GABRG3: variants seen among roughly 807,000 people sequenced by gnomAD.
GABRG3 encodes the protein gamma-aminobutyric acid type A receptor subunit gamma3, also known as gamma-aminobutyric acid receptor subunit gamma-3.
GABRG3 carries 25 observed loss-of-function variants against 48.8 expected under a neutral mutation model. The ratio of observed to expected loss-of-function variants is 0.51; its 90% CI spans 0.37 to 0.72. The LOEUF is 0.72. Ranked by LOEUF, GABRG3 falls within the 30% of genes least tolerant of loss-of-function variation. The probability of loss-of-function intolerance (pLI) is 0.00; values close to 1 mark genes in which losing one functional copy is unlikely to be tolerated. For missense variants in GABRG3, 394 were observed against 577.9 expected (o/e 0.68, Z 3.26); for synonymous variants, 227 against 217.6 (o/e 1.04, Z -0.38).
intron 3 of GABRG3, among the ~76,000 whole-genome samples, chr15:27,278,224 G>A (rs952202232): frequency 6.6e-6 from 1 of 151,998 alleles, no homozygotes; most frequent in African/African-American, 2.4e-5. Flanking sequence ...GCTAATTTTT[G>A]TATTTTTAGT....
At chr15:27,141,368 C>T (rs946885200) in intron 3 of GABRG3, among the ~76,000 whole-genome samples, 6 of 152,142 alleles carry the variant, frequency 3.9e-5, no homozygotes, top group African/African-American at 1.4e-4. Flanking sequence ...TCTAGGTATT[C>T]ATATTTCAAG....
At chr15:26,977,750 G>A (rs1364239317) in intron 2 of GABRG3, among the ~76,000 whole-genome samples, 1 of 152,098 alleles carries the variant, frequency 6.6e-6, no homozygotes, top group South Asian at 2.1e-4. Context: ...ATTGTTTCCT[G>A]TTTTTGTCTA....
intron 5 of GABRG3, among the ~76,000 whole-genome samples, chr15:27,442,216 C>T (rs187938849): frequency 8.5e-5 from 13 of 152,254 alleles, no homozygotes. Flanking sequence ...TTGGTCTCAG[C>T]TCCTACTCCC....
chr15:27,093,281 T>G (rs1897221453), intron 3 of GABRG3, among the ~76,000 whole-genome samples: 1 of 152,156 alleles, frequency 6.6e-6, no homozygotes, highest in South Asian at 2.1e-4. Flanking sequence ...GCTCTGACAC[T>G]TACTGCATGA....
chr15:27,531,857 T>C (rs1891431209), intron 9 of GABRG3, among the ~76,000 whole-genome samples: 1 of 152,172 alleles, frequency 6.6e-6, no homozygotes, highest in Admixed American at 6.5e-5. Flanking sequence ...TCTGCCCCAC[T>C]TGGACTTTTC....
At chr15:27,479,685 T>G (rs1263227464) in intron 5 of GABRG3, among the ~76,000 whole-genome samples, 4 of 152,240 alleles carry the variant, frequency 2.6e-5, no homozygotes, top group Non-Finnish European at 5.9e-5. Flanking sequence ...TCCAGAGCCA[T>G]GCCATCAGTG....
intron 2 of GABRG3, among the ~76,000 whole-genome samples, chr15:27,018,315 G>A (rs1218210991): frequency 2.0e-5 from 3 of 152,158 alleles, no homozygotes; most frequent in African/African-American, 4.8e-5. Flanking sequence ...CTGAGCTTTC[G>A]AGTACCTACC....
intron 5 of GABRG3, among the ~76,000 whole-genome samples, chr15:27,469,362 A>T (rs1889714801): frequency 6.6e-6 from 1 of 151,704 alleles, no homozygotes; most frequent in Non-Finnish European, 1.5e-5. Flanking sequence ...TTTTTTGGAG[A>T]TGGAGTCTTG....
intron 5 of GABRG3, among the ~76,000 whole-genome samples, chr15:27,367,716 A>G (rs1336902963): frequency 6.6e-6 from 1 of 152,180 alleles, no homozygotes; most frequent in Non-Finnish European, 1.5e-5. Context: ...TCTAAACTTT[A>G]TATGGTTGAT....
intron 5 of GABRG3, among the ~76,000 whole-genome samples, chr15:27,389,998 C>A (rs1896173097): frequency 2.0e-5 from 3 of 152,012 alleles, no homozygotes; most frequent in Admixed American, 2.0e-4. Context: ...TTTTGTGTGC[C>A]AAGAATTTAT....
chr15:26,985,328 A>G (rs568917351), intron 2 of GABRG3, among the ~76,000 whole-genome samples: 2 of 152,330 alleles, frequency 1.3e-5, no homozygotes, highest in Admixed American at 1.3e-4. Flanking sequence ...GGGCAGCGCG[A>G]GAGGAATCCC....
chr15:27,028,357 T>G (rs901666683), intron 3 of GABRG3, among the ~76,000 whole-genome samples: 1 of 152,110 alleles, frequency 6.6e-6, no homozygotes, highest in African/African-American at 2.4e-5. Context: ...GAGAGATGCC[T>G]GGAGGGGCAC....
chr15:27,273,241 G>A (rs1891146628), intron 3 of GABRG3, among the ~76,000 whole-genome samples: 2 of 151,998 alleles, frequency 1.3e-5, no homozygotes, highest in African/African-American at 4.8e-5. Context: ...TTTCAATCAT[G>A]TGTCTAATAC....
chr15:27,308,441 A>T (rs758522411), intron 3 of GABRG3, among the ~76,000 whole-genome samples: 1 of 144,444 alleles, frequency 6.9e-6, no homozygotes, highest in South Asian at 2.2e-4. Flanking sequence ...ACCTGTTTAT[A>T]TAAACATATG....
intron 5 of GABRG3, among the ~76,000 whole-genome samples, chr15:27,442,893 C>CAGCT (rs1888833435): frequency 6.6e-6 from 1 of 152,176 alleles, no homozygotes. Flanking sequence ...CAAGGCAGAT[C>CAGCT]AGCTGCCCAA....
At chr15:27,529,101 A>G (rs1252782907) in intron 9 of GABRG3, among the ~76,000 whole-genome samples, 1 of 152,152 alleles carries the variant, frequency 6.6e-6, no homozygotes, top group Non-Finnish European at 1.5e-5. Context: ...TTTGAGCACT[A>G]TGCTTGACAT....
chr15:27,160,376 T>C (rs553848653), intron 3 of GABRG3, among the ~76,000 whole-genome samples: 15 of 152,146 alleles, frequency 9.9e-5, no homozygotes, highest in Non-Finnish European at 1.9e-4. Context: ...GAATTTCAAA[T>C]GGTAGTATTT....
intron 3 of GABRG3, among the ~76,000 whole-genome samples, chr15:27,308,089 C>G (rs1439569361): frequency 7.7e-6 from 1 of 129,992 alleles, no homozygotes; most frequent in Non-Finnish European, 1.6e-5. Flanking sequence ...TACATCCAAA[C>G]ATATATAAAC....
intron 2 of GABRG3, among the ~76,000 whole-genome samples, chr15:26,999,422 C>A (rs1595463138): frequency 6.6e-6 from 1 of 152,070 alleles, no homozygotes; most frequent in South Asian, 2.1e-4. Flanking sequence ...ACATTGAAAT[C>A]CACTGTATTT....
Sources: allele counts gnomAD v4.1 joint callset (sites outside exome capture counted in the v4.1 genomes callset), GRCh38; gene constraint gnomAD v4.1.1; transcripts MANE v1.5; gene names NCBI Gene and HGNC (gene_info 2026-07-23, HGNC 2026-07-21).